Variants in NAV3 observed in about 807,000 individuals in gnomAD.
NAV3 encodes neuron navigator 3.
NAV3 carries 87 observed loss-of-function variants against 244.7 expected under a neutral mutation model. The ratio of observed to expected loss-of-function variants is 0.36; its 90% confidence interval spans 0.30 to 0.42. The LOEUF is 0.42. Ranked by LOEUF, NAV3 falls within the 20% of genes least tolerant of loss-of-function variation. NAV3 has a pLI of 1.00. For synonymous variants in NAV3, 1,126 were observed against 1,042.2 expected, an observed-to-expected ratio of 1.08 and a Z score of -1.55; for missense variants, 2,663 against 2,893.3, an observed-to-expected ratio of 0.92 and a Z score of 1.83.
intron 1 of NAV3, among the ~76,000 whole-genome samples, chr12:77,927,590 C>A (rs1888343557): frequency 6.6e-6 from 1 of 152,174 alleles, no homozygotes; most frequent in East Asian, 1.9e-4. Flanking sequence ...ATAGTGCTTA[C>A]TCTCAACACT....
chr12:77,725,524 G>A (rs1876837169), intron 2 of NAV3, among the ~76,000 whole-genome samples: 1 of 151,478 alleles, frequency 6.6e-6, no homozygotes, highest in African/African-American at 2.4e-5. Flanking sequence ...CAGTAAAAAT[G>A]TGGCAGTCTT....
chr12:78,160,463 G>C (rs1198293814), intron 23 of NAV3, among the ~76,000 whole-genome samples: 1 of 151,348 alleles, frequency 6.6e-6, no homozygotes, highest in Admixed American at 6.6e-5. Flanking sequence ...CAGGTGTCCA[G>C]AGCTTTCATC....
intron 12 of NAV3, among the ~76,000 whole-genome samples, chr12:78,063,860 A>C (rs1234911506): frequency 1.3e-5 from 2 of 152,142 alleles, no homozygotes; most frequent in Non-Finnish European, 2.9e-5. Context: ...TGCACTGGGA[A>C]TGTGGACAAG....
In NAV3 at chr12:78,090,968, G is replaced by C. The variant is rs868447719; in HGVS notation, c.2637-25804G>C. Among the ~76,000 whole-genome samples, 1,003 of 150,550 alleles carry C rather than the reference G, an allele frequency of 6.7e-3. 14 individuals carry two copies. Among genetic ancestry groups the C allele is most frequent in the African/African-American group, 0.023 (929 of 40,956 alleles). On this transcript the variant is annotated intron_variant, in intron 12 of 39. Transcript: ENST00000397909. Reference sequence around the variant, plus strand: ...TGTGCTGTATTCTGTGTGTGTGTGTGTGTGTGTGTGTGTGTGTGTGTGTGT... The same window carrying C: ...TGTGCTGTATTCTGTGTGTGTGTGTCTGTGTGTGTGTGTGTGTGTGTGTGT...
At chr12:78,041,039 A>G (rs1482148070) in intron 9 of NAV3, among the ~76,000 whole-genome samples, 1 of 152,164 alleles carries the variant, frequency 6.6e-6, no homozygotes, top group Non-Finnish European at 1.5e-5. Context: ...GAAATACTCT[A>G]TATTATATGT....
chr12:78,094,807 G>C (rs1954144582), intron 12 of NAV3, among the ~76,000 whole-genome samples: 1 of 151,776 alleles, frequency 6.6e-6, no homozygotes, highest in Admixed American at 6.6e-5. Flanking sequence ...CCAGCAATTT[G>C]GGTGGCCTAG....
chr12:78,044,014 G>A (rs540044052), intron 9 of NAV3, among the ~76,000 whole-genome samples: 1 of 152,264 alleles, frequency 6.6e-6, no homozygotes, highest in African/African-American at 2.4e-5. Context: ...CCATGCCTAT[G>A]TCCTGAATGG....
At chr12:78,118,345 T>A (rs1238625695) in intron 14 of NAV3, 48 bp downstream of exon 14, 1 of 1,541,918 alleles carries the variant, frequency 6.5e-7, no homozygotes, top group Non-Finnish European at 8.7e-7. Flanking sequence ...TTTACTTTAT[T>A]GTTTCCATTC....
intron 20 of NAV3, among the ~76,000 whole-genome samples, chr12:78,142,480 A>G (rs889115091): frequency 2.0e-5 from 3 of 151,856 alleles, no homozygotes; most frequent in African/African-American, 7.3e-5. Flanking sequence ...ATTTACATTG[A>G]AATAGCCACA....
At chr12:77,990,258 G>T (rs1010466530) in intron 5 of NAV3, among the ~76,000 whole-genome samples, 3 of 152,190 alleles carry the variant, frequency 2.0e-5, no homozygotes, top group African/African-American at 7.2e-5. Flanking sequence ...AAAACTGGGG[G>T]TTTATATAGT....
chr12:78,144,792 C>G (rs1032158423), intron 20 of NAV3, among the ~76,000 whole-genome samples: 2 of 149,890 alleles, frequency 1.3e-5, no homozygotes, highest in African/African-American at 2.5e-5. Context: ...TTCTAGGAAG[C>G]CTAGAAGCAG....
intron 12 of NAV3, among the ~76,000 whole-genome samples, chr12:78,074,883 C>T (rs1336613151): frequency 6.6e-6 from 1 of 152,138 alleles, no homozygotes; most frequent in African/African-American, 2.4e-5. Flanking sequence ...TCCAGTTGTC[C>T]AACCCAACTC....
chr12:77,836,915 G>A (rs143912344), intron 1 of NAV3, among the ~76,000 whole-genome samples: 6 of 152,220 alleles, frequency 3.9e-5, no homozygotes, highest in African/African-American at 1.4e-4. Flanking sequence ...CTAGTTAAGG[G>A]CAACCATGGT....
intron 2 of NAV3, among the ~76,000 whole-genome samples, chr12:77,691,397 A>T: frequency 7.4e-6 from 1 of 134,334 alleles, no homozygotes; most frequent in African/African-American, 2.8e-5. Context: ...CATAAATTTT[A>T]TTTCTTAACC....
intron 9 of NAV3, among the ~76,000 whole-genome samples, chr12:78,035,988 G>T (rs530795432): frequency 6.6e-6 from 1 of 152,302 alleles, no homozygotes; most frequent in East Asian, 1.9e-4. Context: ...TGCAGCTACA[G>T]AGAATTAGTC....
chr12:78,185,825 A>G, intron 31 of NAV3, 127 bp downstream of exon 31: 1 of 719,902 alleles, frequency 1.4e-6, no homozygotes. Context: ...TTAGCTTAAC[A>G]TGTCATACAA....
intron 12 of NAV3, among the ~76,000 whole-genome samples, chr12:78,082,636 T>G (rs1463585582): frequency 6.6e-6 from 1 of 152,324 alleles, no homozygotes; most frequent in South Asian, 2.1e-4. Flanking sequence ...AGGTATGTTT[T>G]GACATATATC....
At chr12:77,610,175 T>G (rs551661417) in intron 2 of NAV3, among the ~76,000 whole-genome samples, 2 of 152,112 alleles carry the variant, frequency 1.3e-5, no homozygotes. Flanking sequence ...AATGATGCTA[T>G]TGAACTATTG....
chr12:77,704,004 GC>G (rs1272567305), intron 2 of NAV3, among the ~76,000 whole-genome samples: 1 of 152,086 alleles, frequency 6.6e-6, no homozygotes, highest in African/African-American at 2.4e-5. Flanking sequence ...TAACGCTAGC[GC>G]AAAGAAATGG....
Sources: allele counts gnomAD v4.1 joint callset (sites outside exome capture counted in the v4.1 genomes callset), GRCh38; gene constraint gnomAD v4.1.1; transcripts MANE v1.5; gene names NCBI Gene and HGNC (gene_info 2026-07-23, HGNC 2026-07-21).